PPP1R12C: variants seen among roughly 807,000 people sequenced by gnomAD.
The protein encoded by PPP1R12C is leukocyte receptor cluster (LRC) encoded novel gene 3.
In PPP1R12C, 48 loss-of-function variants were observed where a neutral mutation model predicts 95.6. That is an observed-to-expected ratio of 0.50 (90% confidence interval 0.40 to 0.64). The LOEUF is 0.64. Ranked by LOEUF, PPP1R12C falls within the 30% of genes least tolerant of loss-of-function variation. PPP1R12C has a pLI of 0.00. For missense variants in PPP1R12C, 1,057 were observed against 1,083.3 expected (o/e 0.98, Z 0.34); for synonymous variants, 480 against 460.8 (o/e 1.04, Z -0.53).
At chr19:55,091,969 T>C in intron 19 of PPP1R12C, 60 bp from the exon 20 acceptor site, 1 of 1,587,416 alleles carries the variant, frequency 6.3e-7, no homozygotes, top group Non-Finnish European at 8.6e-7. Context: ...CTCTGAAGGG[T>C]CCTAGGCTCC....
At chr19:55,096,553 T>C (rs1281567198) in intron 6 of PPP1R12C, among the ~76,000 whole-genome samples, 1 of 152,020 alleles carries the variant, frequency 6.6e-6, no homozygotes, top group African/African-American at 2.4e-5. Context: ...TGCCGTCTTG[T>C]CCTCACGGCC....
At chr19:55,093,110 G>A (rs770236018) in intron 14 of PPP1R12C, 34 bp from the exon 15 acceptor site, 2 of 1,612,954 alleles carry the variant, frequency 1.2e-6, no homozygotes, top group East Asian at 4.5e-5. Flanking sequence ...AGGGAAGCAG[G>A]ACATCCCGCA....
intron 8 of PPP1R12C, 46 bp downstream of exon 8, chr19:55,096,005 G>A (rs1178373312): frequency 5.0e-6 from 8 of 1,607,388 alleles, no homozygotes; most frequent in Admixed American, 1.7e-5. Context: ...CAGAGAACCC[G>A]ACCCCTCCTC....
intron 3 of PPP1R12C, among the ~76,000 whole-genome samples, chr19:55,108,948 C>T (rs1295554628): frequency 6.6e-6 from 1 of 152,070 alleles, no homozygotes; most frequent in East Asian, 1.9e-4. Flanking sequence ...TCAGGTGATC[C>T]GCCCGCCTCG....
chr19:55,116,479 G>C (rs990718027), intron 1 of PPP1R12C, among the ~76,000 whole-genome samples: 1 of 152,142 alleles, frequency 6.6e-6, no homozygotes, highest in Non-Finnish European at 1.5e-5. Context: ...GGCAGGGAAG[G>C]ATCTGGGCCA....
In PPP1R12C at chr19:55,096,256, C is replaced by CT. The variant is rs1568808239; in HGVS notation, c.1025+5dup. The CT allele has an allele frequency of 1.2e-6, 2 of 1,613,936 alleles. No homozygotes were observed. Among genetic ancestry groups the CT allele is most frequent in the Admixed American group, 3.3e-5 (2 of 60,016 alleles). On this transcript the variant is annotated splice_donor_region_variant and intron_variant, in intron 7 of 21. Coordinates refer to ENST00000263433, the MANE Select transcript of PPP1R12C (RefSeq NM_017607.4). ...CCGCCAGCCCTGGACTCCTCCCTCC[C>CT]TATACCTTCTGTGTTTGCTGCTAGA...
At chr19:55,112,612 A>AG in intron 2 of PPP1R12C, 27 bp from the exon 3 acceptor site, 1 of 1,610,956 alleles carries the variant, frequency 6.2e-7, no homozygotes, top group Non-Finnish European at 8.5e-7. Flanking sequence ...GTCAGGGCTG[A>AG]GGGTCCAGGC....
At chr19:55,105,941 TAAA>T (rs879751133) in intron 3 of PPP1R12C, among the ~76,000 whole-genome samples, 1 of 139,038 alleles carries the variant, frequency 7.2e-6, no homozygotes, top group Admixed American at 7.2e-5. Flanking sequence ...GATCCTGTCT[TAAA>T]AAAAAAAAAA....
At chr19:55,116,249 AAGG>A (rs1161605435) in intron 1 of PPP1R12C, among the ~76,000 whole-genome samples, 1 of 150,666 alleles carries the variant, frequency 6.6e-6, no homozygotes, top group African/African-American at 2.5e-5. Context: ...CAGGCCCCAG[AAGG>A]AGAAGGAAAA....
intron 3 of PPP1R12C, among the ~76,000 whole-genome samples, chr19:55,110,835 C>A (rs2147209277): frequency 6.7e-6 from 1 of 148,872 alleles, no homozygotes; most frequent in Admixed American, 6.7e-5. Context: ...CATGCCATTG[C>A]ACTCCAGCCT....
At chr19:55,092,016 G>A in intron 19 of PPP1R12C, 107 bp from the exon 20 acceptor site, 1 of 1,426,140 alleles carries the variant, frequency 7.0e-7, no homozygotes, top group Non-Finnish European at 9.8e-7. Context: ...CAGCCCACAA[G>A]CCCTTCCCCC....
chr19:55,106,950 A>T (rs2085045064), intron 3 of PPP1R12C, among the ~76,000 whole-genome samples: 1 of 152,172 alleles, frequency 6.6e-6, no homozygotes, highest in South Asian at 2.1e-4. Flanking sequence ...ATGGGCCTGC[A>T]GTAGGACCCA....
In PPP1R12C at chr19:55,099,095, C is replaced by T. The variant is rs1000449381; in HGVS notation, c.732G>A (p.Arg244=). The T allele has an allele frequency of 3.3e-6, 5 of 1,535,740 alleles. No individual in the cohort carries two copies. The highest frequency in any genetic ancestry group is 2.7e-5 in the African/African-American group (2 of 73,044). ...AAAKGYIEVM[R]LLLQAGYDPE... ...GGTCGTAGCCAGCCTGAAGGAGCAA[C>T]CTGGGGGCCAGGGAGGCTCAGGGTC... The change falls in exon 5 of 22, where the codon AGG becomes AGA. Residue 244 remains arginine, a splice_region_variant and synonymous_variant. Coordinates refer to ENST00000263433, the MANE Select transcript of PPP1R12C (RefSeq NM_017607.4).
chr19:55,095,597 C>A lies in PPP1R12C; in HGVS notation c.1234G>T (p.Glu412Ter). ...AAGCGCCTGGAGAAGGGGGCCTCTT[C>A]AAGCTGCTGGGAGAAGGAGGAGGTC... ...HPSPKSPVQL[E>*]EAPFSRRFGL... The change falls in exon 10 of 22, where the codon GAA (glutamate) becomes TAA (stop). Residue 412 changes from glutamate to a stop codon, truncating the protein, a stop_gained. Coordinates refer to ENST00000263433, the MANE Select transcript of PPP1R12C (RefSeq NM_017607.4). LOFTEE classifies it high-confidence loss of function. 6.4e-7 allele frequency: 1 copy of A among 1,561,754 alleles called. No homozygotes were observed. The highest frequency in any genetic ancestry group is 2.3e-5 in the East Asian group (1 of 44,322).
intron 1 of PPP1R12C, among the ~76,000 whole-genome samples, chr19:55,116,930 G>T (rs2085160431): frequency 6.6e-6 from 1 of 152,168 alleles, no homozygotes. Context: ...CAGTTAAAGC[G>T]ACTCCAATGC....
chr19:55,095,554 C>G lies in PPP1R12C; in HGVS notation c.1277G>C (p.Gly426Ala). 1 of 1,593,426 alleles carries G rather than the reference C, an allele frequency of 6.3e-7. No homozygotes were observed. Residue 426 changes from glycine (G) to alanine (A), a missense_variant, in exon 10 of 22, where the codon GGG (glycine) becomes GCG (alanine). Gly to Ala is a moderately conservative substitution (Grantham distance 60, BLOSUM62 0). Coordinates refer to ENST00000263433, the MANE Select transcript of PPP1R12C (RefSeq NM_017607.4). ...AGGGGGACCCAGGGCACCAGAACTC[C>G]CTGTCTTCAGGAGGCCAAAGCGCCT... ...FSRRFGLLKT[G>A]SSGALGPPER...
At chr19:55,104,201 C>T (rs865782780) in intron 3 of PPP1R12C, among the ~76,000 whole-genome samples, 38 of 121,078 alleles carry the variant, frequency 3.1e-4, no homozygotes, top group East Asian at 2.9e-3. Flanking sequence ...TATATATATA[C>T]ACACACACAC....
rs2084837369 is a variant in PPP1R12C at position 55,091,417 on chromosome 19, G to T, written c.*55C>A. Reference sequence around the variant, plus strand: ...TCACTCGTGTTCACACGGGGGAAGGGGTGCGTGTGGCAGAAGCAGCTGTAT... The same window carrying T: ...TCACTCGTGTTCACACGGGGGAAGGTGTGCGTGTGGCAGAAGCAGCTGTAT... On this transcript the variant is annotated 3_prime_UTR_variant, in exon 22 of 22. Coordinates refer to ENST00000263433, the MANE Select transcript of PPP1R12C (RefSeq NM_017607.4). 1.3e-6 allele frequency: 2 copies of T among 1,509,036 alleles called. No individual in the cohort carries two copies. Among genetic ancestry groups the T allele is most frequent in the Non-Finnish European group, 1.8e-6 (2 of 1,093,216 alleles). The allele number at this position is 1,509,036 out of a possible 1,614,324, so 93.5% of individuals were successfully genotyped here. A position where few individuals can be genotyped will look rare whatever the true frequency, so the allele number is the denominator to read the frequency against.
At chr19:55,110,973 A>T (rs968755662) in intron 3 of PPP1R12C, among the ~76,000 whole-genome samples, 3 of 152,020 alleles carry the variant, frequency 2.0e-5, no homozygotes, top group Admixed American at 2.0e-4. Context: ...ATAGGAAAAA[A>T]TGTGTTTATG....
Sources: allele counts gnomAD v4.1 joint callset (sites outside exome capture counted in the v4.1 genomes callset), GRCh38; gene constraint gnomAD v4.1.1; transcripts MANE v1.5; gene names NCBI Gene and HGNC (gene_info 2026-07-23, HGNC 2026-07-21).